Variants in SENP7 observed in about 807,000 individuals in gnomAD.
SENP7 encodes SUMO specific peptidase 7.
A neutral mutation model predicts 141.2 loss-of-function variants in SENP7; 64 were observed. The ratio of observed to expected loss-of-function variants is 0.45; its 90% CI spans 0.37 to 0.56. The LOEUF (loss-of-function observed/expected upper bound fraction) is 0.56. Among genes scored for constraint, SENP7 ranks in the 20% least tolerant of loss-of-function variants. The pLI, the probability that SENP7 is intolerant of heterozygous loss-of-function variation, is 0.00. For missense variants in SENP7, 1,025 were observed against 1,212.2 expected (o/e 0.85, Z 2.29); for synonymous variants, 382 against 426.4 (o/e 0.90, Z 1.28).
At chr3:101,365,634 C>CAAAA (rs1010380283) in intron 9 of SENP7, among the ~76,000 whole-genome samples, 829 of 62,092 alleles carry the variant, frequency 0.013, 30 homozygotes, top group African/African-American at 0.049. Context: ...GACTCTGTCT[C>CAAAA]AAAAAAAAAA....
At chr3:101,442,030 C>T (rs2062695514) in intron 4 of SENP7, among the ~76,000 whole-genome samples, 1 of 152,130 alleles carries the variant, frequency 6.6e-6, no homozygotes, top group African/African-American at 2.4e-5. Context: ...GATACATCTA[C>T]AGGAAAAAGT....
intron 5 of SENP7, chr3:101,414,694 G>A (rs2061559151): frequency 8.7e-6 from 9 of 1,030,478 alleles, no homozygotes; most frequent in African/African-American, 1.6e-5. Flanking sequence ...AAGGCATTTG[G>A]GAACTTTAGT....
chr3:101,416,246 T>C (rs1430270816), intron 5 of SENP7, among the ~76,000 whole-genome samples: 2 of 151,918 alleles, frequency 1.3e-5, no homozygotes, highest in Non-Finnish European at 2.9e-5. Flanking sequence ...TTACTGGGAC[T>C]CTTTACTTCA....
chr3:101,407,425 G>A (rs908465767), intron 5 of SENP7, among the ~76,000 whole-genome samples: 1 of 152,044 alleles, frequency 6.6e-6, no homozygotes, highest in Non-Finnish European at 1.5e-5. Flanking sequence ...CTATACACTG[G>A]AACAAATGGA....
At chr3:101,401,028 T>C (rs2061123986) in intron 5 of SENP7, among the ~76,000 whole-genome samples, 1 of 150,466 alleles carries the variant, frequency 6.6e-6, no homozygotes, top group African/African-American at 2.5e-5. Flanking sequence ...ACCCCAGGAG[T>C]TCAAGGCTGC....
chr3:101,511,741 T>A (rs2065866034), intron 1 of SENP7, among the ~76,000 whole-genome samples: 1 of 152,246 alleles, frequency 6.6e-6, no homozygotes, highest in African/African-American at 2.4e-5. Flanking sequence ...CCTTTGCAAT[T>A]AAGGCTGAAA....
At chr3:101,396,614 A>G (rs2060975351) in intron 6 of SENP7, among the ~76,000 whole-genome samples, 1 of 152,234 alleles carries the variant, frequency 6.6e-6, no homozygotes, top group Non-Finnish European at 1.5e-5. Flanking sequence ...TACATAGGGC[A>G]TTCAAAATTA....
chr3:101,402,808 CAA>C (rs2061189620), intron 5 of SENP7, among the ~76,000 whole-genome samples: 1 of 152,096 alleles, frequency 6.6e-6, no homozygotes, highest in African/African-American at 2.4e-5. Flanking sequence ...AGCTCGTTGA[CAA>C]TGCACCTAGT....
chr3:101,477,634 T>G (rs1423204265), intron 3 of SENP7, among the ~76,000 whole-genome samples: 1 of 152,108 alleles, frequency 6.6e-6, no homozygotes, highest in Non-Finnish European at 1.5e-5. Context: ...GTGGATCACT[T>G]GAGGTCAGGA....
chr3:101,382,220 A>T (rs1167069073), intron 6 of SENP7, among the ~76,000 whole-genome samples: 2 of 152,180 alleles, frequency 1.3e-5, no homozygotes, highest in African/African-American at 4.8e-5. Context: ...TCTGTCACCC[A>T]TGCTGGAGTG....
At chr3:101,387,585 T>G (rs1373465854) in intron 6 of SENP7, among the ~76,000 whole-genome samples, 1 of 152,206 alleles carries the variant, frequency 6.6e-6, no homozygotes, top group African/African-American at 2.4e-5. Flanking sequence ...AGAGCCATCA[T>G]GACCACCATT....
intron 1 of SENP7, among the ~76,000 whole-genome samples, chr3:101,503,502 A>G (rs1299983054): frequency 6.6e-6 from 1 of 152,250 alleles, no homozygotes; most frequent in East Asian, 1.9e-4. Flanking sequence ...GGAAAACTGT[A>G]TAGCAATAAA....
At chr3:101,392,702 T>G (rs2060849328) in intron 6 of SENP7, among the ~76,000 whole-genome samples, 1 of 152,148 alleles carries the variant, frequency 6.6e-6, no homozygotes, top group African/African-American at 2.4e-5. Flanking sequence ...AAAATTCACA[T>G]GGAACCACAA....
chr3:101,445,931 A>G (rs2062873343), intron 4 of SENP7, among the ~76,000 whole-genome samples: 1 of 152,178 alleles, frequency 6.6e-6, no homozygotes, highest in Non-Finnish European at 1.5e-5. Context: ...CCTCAATACA[A>G]TAATAGTTTG....
intron 1 of SENP7, among the ~76,000 whole-genome samples, chr3:101,511,549 G>A (rs1279972937): frequency 6.6e-6 from 1 of 151,998 alleles, no homozygotes; most frequent in Non-Finnish European, 1.5e-5. Flanking sequence ...ATCAGTTGGA[G>A]GCATATACCT....
At chr3:101,511,854 C>G (rs1256667987) in intron 1 of SENP7, among the ~76,000 whole-genome samples, 2 of 152,106 alleles carry the variant, frequency 1.3e-5, no homozygotes, top group African/African-American at 4.8e-5. Flanking sequence ...GAGTCTCGCT[C>G]TGTTGCCCAG....
chr3:101,420,575 T>A (rs1318816057), intron 4 of SENP7, among the ~76,000 whole-genome samples: 1 of 152,176 alleles, frequency 6.6e-6, no homozygotes. Flanking sequence ...TGATTATTAA[T>A]TGCAAAGAAG....
At chr3:101,388,516 A>C (rs756883433) in intron 6 of SENP7, among the ~76,000 whole-genome samples, 29 of 152,232 alleles carry the variant, frequency 1.9e-4, no homozygotes, top group Non-Finnish European at 3.7e-4. Context: ...ACAAAAGCTA[A>C]TACATAAAAT....
intron 5 of SENP7, among the ~76,000 whole-genome samples, chr3:101,402,616 C>CAAA (rs58525002): frequency 0.012 from 1,092 of 93,578 alleles, 50 homozygotes; most frequent in African/African-American, 0.039. Context: ...GACTCCGTCT[C>CAAA]AAAAAAAAAA....
Sources: allele counts gnomAD v4.1 joint callset (sites outside exome capture counted in the v4.1 genomes callset), GRCh38; gene constraint gnomAD v4.1.1; transcripts MANE v1.5; gene names NCBI Gene and HGNC (gene_info 2026-07-23, HGNC 2026-07-21).